SLIT3: variants seen among roughly 807,000 people sequenced by gnomAD.
SLIT3 encodes slit homolog 3 protein.
Under a neutral mutation model 184.0 loss-of-function variants are expected in SLIT3, and 68 were observed. That is an observed-to-expected ratio of 0.37 (90% CI 0.30 to 0.45). The LOEUF is 0.45. Among genes scored for constraint, SLIT3 ranks in the 20% least tolerant of loss-of-function variants. The probability of loss-of-function intolerance (pLI) is 1.00; values close to 1 mark genes in which losing one functional copy is unlikely to be tolerated. For missense variants in SLIT3, 1,707 were observed against 2,026.0 expected (o/e 0.84, Z 3.02); for synonymous variants, 831 against 828.6 (o/e 1.00, Z -0.05).
At chr5:169,249,085 A>T (rs1765690179) in intron 2 of SLIT3, among the ~76,000 whole-genome samples, 1 of 152,208 alleles carries the variant, frequency 6.6e-6, no homozygotes, top group South Asian at 2.1e-4. Context: ...AAATCTTTTT[A>T]AAAAAGATAG....
intron 31 of SLIT3, 71 bp downstream of exon 31, chr5:168,685,616 C>T (rs975622792): frequency 3.8e-5 from 56 of 1,488,028 alleles, no homozygotes; most frequent in Non-Finnish European, 4.5e-5. Context: ...GGCATTCCAG[C>T]AATTTTCTGA....
At chr5:168,892,305 TACAC>T (rs368132430) in intron 4 of SLIT3, among the ~76,000 whole-genome samples, 184 of 152,376 alleles carry the variant, frequency 1.2e-3, no homozygotes, top group African/African-American at 4.3e-3. Flanking sequence ...ATGTGTATTT[TACAC>T]ACACCTCAAT....
intron 4 of SLIT3, among the ~76,000 whole-genome samples, chr5:169,136,770 G>A (rs1051581724): frequency 3.9e-5 from 6 of 152,130 alleles, no homozygotes; most frequent in Non-Finnish European, 5.9e-5. Context: ...TTGGGGGTGG[G>A]GAGTGTGTAT....
intron 5 of SLIT3, among the ~76,000 whole-genome samples, chr5:168,862,990 A>G (rs1053126543): frequency 6.6e-6 from 1 of 152,128 alleles, no homozygotes; most frequent in Non-Finnish European, 1.5e-5. Flanking sequence ...ATTGGGTTTT[A>G]TCTTCTTCAT....
chr5:169,035,846 C>A (rs1481859816), intron 4 of SLIT3, among the ~76,000 whole-genome samples: 9 of 152,004 alleles, frequency 5.9e-5, no homozygotes, highest in Admixed American at 5.9e-4. Flanking sequence ...TCTATCCTTT[C>A]TTGATGGTTT....
intron 5 of SLIT3, 51 bp from the exon 6 acceptor site, chr5:168,844,706 G>C (rs1476913645): frequency 1.3e-5 from 21 of 1,576,794 alleles, no homozygotes; most frequent in Non-Finnish European, 1.7e-5. Context: ...CAGCGTGAGG[G>C]GCCGGCGGCC....
At chr5:168,918,022 T>A (rs1347419786) in intron 4 of SLIT3, among the ~76,000 whole-genome samples, 1 of 152,222 alleles carries the variant, frequency 6.6e-6, no homozygotes. Flanking sequence ...AGGGCTAAAG[T>A]CACCTCTATA....
chr5:168,845,008 A>C (rs1758407663), intron 5 of SLIT3, among the ~76,000 whole-genome samples: 1 of 151,314 alleles, frequency 6.6e-6, no homozygotes, highest in African/African-American at 2.4e-5. Flanking sequence ...CATTAAGCTA[A>C]AGGCCTGTAA....
chr5:168,878,565 C>T (rs371642346), intron 5 of SLIT3, among the ~76,000 whole-genome samples: 142 of 152,238 alleles, frequency 9.3e-4, no homozygotes, highest in Middle Eastern at 6.8e-3. Context: ...GTGTCCATGG[C>T]GAAAGTCCAA....
intron 4 of SLIT3, among the ~76,000 whole-genome samples, chr5:168,897,832 C>T (rs1348939538): frequency 2.0e-5 from 3 of 152,112 alleles, no homozygotes; most frequent in African/African-American, 7.2e-5. Flanking sequence ...GACGTGCCAT[C>T]CTCCCTGGAC....
chr5:168,928,269 G>A (rs1479332726), intron 4 of SLIT3, among the ~76,000 whole-genome samples: 3 of 152,022 alleles, frequency 2.0e-5, no homozygotes, highest in Admixed American at 2.0e-4. Flanking sequence ...AATTTAGGAA[G>A]GAAATACCAG....
intron 3 of SLIT3, among the ~76,000 whole-genome samples, chr5:169,228,974 A>C (rs1423977679): frequency 6.6e-6 from 1 of 152,238 alleles, no homozygotes; most frequent in Non-Finnish European, 1.5e-5. Flanking sequence ...GCGCACAGCC[A>C]TGTAATATAC....
chr5:169,126,166 G>T (rs1184280124), intron 4 of SLIT3, among the ~76,000 whole-genome samples: 1 of 152,172 alleles, frequency 6.6e-6, no homozygotes, highest in African/African-American at 2.4e-5. Flanking sequence ...GACCTTGTAG[G>T]ACTATCTTCC....
intron 20 of SLIT3, among the ~76,000 whole-genome samples, chr5:168,739,304 C>T (rs2113423274): frequency 6.6e-6 from 1 of 152,280 alleles, no homozygotes; most frequent in African/African-American, 2.4e-5. Context: ...AGTGCAGTTC[C>T]ACACTACAAC....
intron 3 of SLIT3, among the ~76,000 whole-genome samples, chr5:169,240,774 CT>C (rs1389397987): frequency 1.3e-5 from 2 of 150,408 alleles, no homozygotes; most frequent in Admixed American, 6.6e-5. Context: ...TGTTTGTTGT[CT>C]ATTTGTTCTA....
chr5:168,729,415 A>C (rs937770688), intron 20 of SLIT3, among the ~76,000 whole-genome samples: 2 of 152,142 alleles, frequency 1.3e-5, no homozygotes, highest in African/African-American at 4.8e-5. Flanking sequence ...GTCATATACA[A>C]AGGAAACCCC....
intron 3 of SLIT3, among the ~76,000 whole-genome samples, chr5:169,220,508 T>A (rs990255355): frequency 6.6e-6 from 1 of 152,138 alleles, no homozygotes; most frequent in Non-Finnish European, 1.5e-5. Context: ...TAAGGCTGGC[T>A]CTGATTGGTA....
chr5:169,243,268 TTTCACAAAGGACCACGTA>T, intron 3 of SLIT3, among the ~76,000 whole-genome samples: 1 of 152,314 alleles, frequency 6.6e-6, no homozygotes, highest in Middle Eastern at 3.4e-3. Context: ...GGGGTGGCCT[TTTCACAAAGGACCACGTA>T]TTCATTTTTC....
At chr5:169,295,957 G>A (rs974672326) in intron 1 of SLIT3, among the ~76,000 whole-genome samples, 1 of 152,112 alleles carries the variant, frequency 6.6e-6, no homozygotes, top group Non-Finnish European at 1.5e-5. Context: ...TTCTTTTCAT[G>A]GGCATGTGCA....
Sources: gnomAD v4.1 joint callset for allele counts (sites outside exome capture counted in the v4.1 genomes callset) on GRCh38, gnomAD v4.1.1 for gene constraint, MANE v1.5 for transcripts, NCBI Gene and HGNC (gene_info 2026-07-23, HGNC 2026-07-21) for gene names.